Variants in CTIF observed in about 807,000 individuals in gnomAD.
The protein encoded by CTIF is CBP80/20-dependent translation initiation factor.
A neutral mutation model predicts 66.0 loss-of-function variants in CTIF; 21 were observed. The observed-to-expected ratio is 0.32, with a 90% CI of 0.23 to 0.46. The LOEUF (loss-of-function observed/expected upper bound fraction) is 0.46. Among genes scored for constraint, CTIF ranks in the 20% least tolerant of loss-of-function variants. The probability of loss-of-function intolerance (pLI) is 1.00; values close to 1 mark genes in which losing one functional copy is unlikely to be tolerated. For missense variants in CTIF, 739 were observed against 812.7 expected (o/e 0.91, Z 1.10); for synonymous variants, 345 against 326.4 (o/e 1.06, Z -0.62).
At chr18:48,583,342 A>G (rs907629460) in intron 1 of CTIF, among the ~76,000 whole-genome samples, 2 of 152,212 alleles carry the variant, frequency 1.3e-5, no homozygotes, top group Non-Finnish European at 2.9e-5. Flanking sequence ...AATGTTAATG[A>G]ATGCCCTGTT....
At chr18:48,737,618 A>G (rs780149015) in intron 7 of CTIF, among the ~76,000 whole-genome samples, 1 of 126,290 alleles carries the variant, frequency 7.9e-6, no homozygotes, top group Non-Finnish European at 1.8e-5. Context: ...ATGTTAACTG[A>G]AAAAAAAAAG....
chr18:48,676,651 A>G (rs1172499330), intron 6 of CTIF, among the ~76,000 whole-genome samples: 1 of 152,004 alleles, frequency 6.6e-6, no homozygotes, highest in East Asian at 2.0e-4. Flanking sequence ...GGATGTGCCC[A>G]AAGCATTCCC....
rs78058919 is a variant in CTIF at position 48,730,676 on chromosome 18, T to C, written c.584+18981T>C. Among the ~76,000 whole-genome samples, 46 of 131,786 alleles carry C rather than the reference T, an allele frequency of 3.5e-4. 2 individuals carry two copies. Among genetic ancestry groups the C allele is most frequent in the Admixed American group, 8.9e-4 (12 of 13,466 alleles). 86.5% of individuals were successfully genotyped at this position (131,786 alleles called of 152,430 possible). ...GGGCTTCTGCGGTGTGAGGGGCTTC[T>C]GCGGTGTGAGGAGCCCCTGAGGTGT... is the stretch of plus-strand genomic sequence containing the variant. On this transcript the variant is annotated intron_variant, in intron 7 of 11. Coordinates refer to ENST00000256413, the MANE Select transcript of CTIF (RefSeq NM_014772.3).
At chr18:48,573,846 G>A (rs1289959037) in intron 1 of CTIF, among the ~76,000 whole-genome samples, 2 of 152,236 alleles carry the variant, frequency 1.3e-5, no homozygotes, top group Non-Finnish European at 1.5e-5. Flanking sequence ...GAATGTGCAA[G>A]TATATCTGAG....
chr18:48,762,459 C>G (rs114166977), intron 9 of CTIF, among the ~76,000 whole-genome samples: 130 of 152,298 alleles, frequency 8.5e-4, no homozygotes, highest in African/African-American at 3.0e-3. Flanking sequence ...CTGGTGACGT[C>G]AGGGAGAGAT....
chr18:48,717,220 A>G (rs2092289944), intron 7 of CTIF, among the ~76,000 whole-genome samples: 1 of 151,964 alleles, frequency 6.6e-6, no homozygotes, highest in African/African-American at 2.4e-5. Context: ...ATCAACATGG[A>G]GAAACCCCGT....
rs180812332 is a variant in CTIF at position 48,689,082 on chromosome 18, T to G, written c.507+18338T>G. On this transcript the variant is annotated intron_variant, in intron 6 of 11. Transcript: ENST00000256413. ...GGCTCTTCCGAAAGATGCGGTGGTG[T>G]TTGGGGGCCTTCAGACACACCCTGG... Among the ~76,000 whole-genome samples, 314 of 152,138 alleles carry G rather than the reference T, an allele frequency of 2.1e-3. 2 individuals are homozygous for G. The highest frequency in any genetic ancestry group is 7.3e-3 in the Admixed American group (112 of 15,290).
rs1568171413 is a variant in CTIF at position 48,730,406 on chromosome 18, CACGGTGTGTGGG to C, written c.584+18712_584+18723del. On this transcript the variant is annotated intron_variant, in intron 7 of 11. Coordinates refer to ENST00000256413, the MANE Select transcript of CTIF (RefSeq NM_014772.3). Reference sequence around the variant, plus strand: ...GGGCTCCTGCTGTGTGAGGGGCTTCCACGGTGTGTGGGGCCCCTGCGCTGTGAGGGGCCCCTG... The same window carrying C: ...GGGCTCCTGCTGTGTGAGGGGCTTCCGCCCCTGCGCTGTGAGGGGCCCCTG... Among the ~76,000 whole-genome samples the C allele has an allele frequency of 9.2e-3, 986 of 106,946 alleles. 31 individuals are homozygous for C. Among genetic ancestry groups the C allele is most frequent in the Middle Eastern group, 0.018 (3 of 164 alleles). The allele number at this position is 106,946 out of a possible 152,430, so 70.2% of individuals were successfully genotyped here. A position where few individuals can be genotyped will look rare whatever the true frequency, so the allele number is the denominator to read the frequency against.
intron 9 of CTIF, among the ~76,000 whole-genome samples, chr18:48,775,316 C>G (rs72913712): frequency 0.035 from 5,357 of 152,376 alleles, 108 homozygotes; most frequent in Non-Finnish European, 0.045. Context: ...GACTCCTCCT[C>G]CAGGAGAAAC....
intron 10 of CTIF, among the ~76,000 whole-genome samples, chr18:48,828,898 C>G (rs963599507): frequency 6.6e-6 from 1 of 152,230 alleles, no homozygotes; most frequent in Non-Finnish European, 1.5e-5. Flanking sequence ...GACGGCTTGC[C>G]CTCCCATCTC....
At chr18:48,821,195 C>T (rs750756336) in intron 10 of CTIF, among the ~76,000 whole-genome samples, 8 of 152,256 alleles carry the variant, frequency 5.3e-5, no homozygotes, top group Non-Finnish European at 8.8e-5. Context: ...TCCTAAGGGA[C>T]CTGGAAGTGT....
At chr18:48,572,233 C>G (rs576358244) in intron 1 of CTIF, among the ~76,000 whole-genome samples, 2 of 152,268 alleles carry the variant, frequency 1.3e-5, no homozygotes, top group Admixed American at 6.5e-5. Flanking sequence ...AGATGGTACT[C>G]TGTTTTCCTC....
chr18:48,745,688 G>A (rs1050608259), intron 7 of CTIF, among the ~76,000 whole-genome samples: 7 of 152,222 alleles, frequency 4.6e-5, no homozygotes, highest in Admixed American at 4.6e-4. Context: ...TACACGGGCT[G>A]TCTCCTAGCT....
rs1022498686 is a variant in CTIF, at chr18:48,862,178, C to CCAAGT, written c.*2621_*2625dup. On this transcript the variant is annotated 3_prime_UTR_variant, in exon 12 of 12. Transcript: ENST00000256413. Reference sequence around the variant, plus strand: ...TGCCCCACAGACCCTGGCCCCCTCCCCAAGTCCATCCCCTCTCTGTGGCAT... The same window carrying CCAAGT: ...TGCCCCACAGACCCTGGCCCCCTCCCCAAGTCAAGTCCATCCCCTCTCTGTGGCAT... 1 of 152,252 alleles carries CCAAGT rather than the reference C, an allele frequency of 6.6e-6. No homozygotes were observed. Among genetic ancestry groups the CCAAGT allele is most frequent in the Non-Finnish European group, 1.5e-5 (1 of 68,064 alleles). 9.4% of individuals were successfully genotyped at this position (152,252 alleles called of 1,614,324 possible).
At chr18:48,644,073 CTTG>C (rs2144694417) in intron 3 of CTIF, among the ~76,000 whole-genome samples, 1 of 152,322 alleles carries the variant, frequency 6.6e-6, no homozygotes, top group African/African-American at 2.4e-5. Context: ...AACTCTTTTG[CTTG>C]TGTCTTTTGC....
intron 8 of CTIF, among the ~76,000 whole-genome samples, chr18:48,759,670 C>A (rs1288256906): frequency 6.6e-6 from 1 of 152,210 alleles, no homozygotes; most frequent in African/African-American, 2.4e-5. Context: ...ATACTACACA[C>A]CTTGCTGAGA....
At chr18:48,632,644 C>T (rs926200931) in intron 2 of CTIF, among the ~76,000 whole-genome samples, 4 of 152,156 alleles carry the variant, frequency 2.6e-5, no homozygotes, top group Admixed American at 1.3e-4. Flanking sequence ...GCCTGACAGC[C>T]GCCATCTGCC....
intron 1 of CTIF, among the ~76,000 whole-genome samples, chr18:48,613,008 G>A (rs926095773): frequency 2.0e-5 from 3 of 152,260 alleles, no homozygotes; most frequent in Middle Eastern, 3.4e-3. Context: ...GCCTCTGTGC[G>A]GGCCTCGAAT....
At chr18:48,568,632 G>GAAAA (rs2089330717) in intron 1 of CTIF, among the ~76,000 whole-genome samples, 1 of 21,346 alleles carries the variant, frequency 4.7e-5, no homozygotes, top group Non-Finnish European at 1.4e-4. Flanking sequence ...TGGGCAATTT[G>GAAAA]TAAAAAAAAA....
Sources: allele counts gnomAD v4.1 joint callset (sites outside exome capture counted in the v4.1 genomes callset), GRCh38; gene constraint gnomAD v4.1.1; transcripts MANE v1.5; gene names NCBI Gene and HGNC (gene_info 2026-07-23, HGNC 2026-07-21).